The following ANK3 variants were observed in gnomAD, a reference collection of about 807,000 sequenced individuals.
ANK3 encodes ankyrin 3.
Under a neutral mutation model 370.9 loss-of-function variants are expected in ANK3, and 57 were observed. The observed-to-expected ratio is 0.15, with a 90% CI of 0.12 to 0.19. The LOEUF (loss-of-function observed/expected upper bound fraction) is 0.19, where lower values mean the gene tolerates loss of function less well. Among genes scored for constraint, ANK3 ranks in the 10% least tolerant of loss-of-function variants. ANK3 has a pLI of 1.00. For synonymous variants in ANK3, 1,929 were observed against 1,946.3 expected (o/e 0.99, Z 0.23); for missense variants, 4,439 against 5,302.1 (o/e 0.84, Z 5.06).
intron 2 of ANK3, among the ~76,000 whole-genome samples, chr10:60,593,553 A>T (rs931262382): frequency 6.6e-6 from 1 of 152,166 alleles, no homozygotes; most frequent in African/African-American, 2.4e-5. Context: ...ATTTTTTTTT[A>T]AATCATGACC....
chr10:60,628,525 C>G (rs1413035498), intron 1 of ANK3, among the ~76,000 whole-genome samples: 1 of 152,146 alleles, frequency 6.6e-6, no homozygotes, highest in Non-Finnish European at 1.5e-5. Flanking sequence ...TTAGCCTCTG[C>G]TGCAGAAAGG....
rs772842394 is a variant in ANK3, at chr10:60,075,130, T to G, written c.5751A>C (p.Ala1917=). The change falls in exon 37 of 44, where the codon GCA becomes GCC. Residue 1917 remains alanine, a synonymous_variant. Coordinates refer to ENST00000280772, the MANE Select transcript of ANK3 (RefSeq NM_020987.5). ...CCTCAGGCACATCTGTCTGTAGTAT[T>G]GCGGTCATCCGCATTAGGTCCTCTT... ...EMKEDLMRMT[A]ILQTDVPEEK... The G allele has an allele frequency of 6.2e-7, 1 of 1,614,170 alleles. No homozygotes were observed. Among genetic ancestry groups the G allele is most frequent in the South Asian group, 1.1e-5 (1 of 91,082 alleles).
At chr10:60,054,479 T>C (rs2078731339) in intron 42 of ANK3, among the ~76,000 whole-genome samples, 1 of 152,112 alleles carries the variant, frequency 6.6e-6, no homozygotes, top group Non-Finnish European at 1.5e-5. Context: ...AGCAACTGAT[T>C]ACCACCACCA....
Position 60,594,015 on chromosome 10 carries a change from CT to C in ANK3, c.96+21170del, listed in dbSNP as rs1284057664. Among the ~76,000 whole-genome samples the C allele has an allele frequency of 2.6e-5, 4 of 152,294 alleles. No homozygotes were observed. In the South Asian group the frequency reaches 6.2e-4, roughly 24 times the overall value. ...GTTTACGTAGTCCCATTGAAGCTTCCTTCCCTACATCATTGCACTGGGCAAA... is the reference window on the plus strand; with the variant it reads ...GTTTACGTAGTCCCATTGAAGCTTCCTCCCTACATCATTGCACTGGGCAAA... On this transcript the variant is annotated intron_variant, in intron 2 of 43. Transcript: ENST00000373827.
rs568909729 is a variant in ANK3 at position 60,150,257 on chromosome 10, G to A, written c.2615-11170C>T. On this transcript the variant is annotated intron_variant, in intron 23 of 43. Coordinates refer to ENST00000280772, the MANE Select transcript of ANK3 (RefSeq NM_020987.5). ...ACCCTTGTCCCCACTCCTGTGTGCT[G>A]AGCTCTTCTGTGGGGGCCTGTGCTT... 5.7e-3 allele frequency among the ~76,000 whole-genome samples: 861 copies of A among 152,198 alleles called. 5 individuals are homozygous for A. The highest frequency in any genetic ancestry group is 8.9e-3 in the Non-Finnish European group (607 of 68,012).
At chr10:60,123,501 G>C (rs113085672) in intron 25 of ANK3, among the ~76,000 whole-genome samples, 6 of 152,268 alleles carry the variant, frequency 3.9e-5, no homozygotes, top group African/African-American at 1.4e-4. Flanking sequence ...GAAAGTGTTT[G>C]CAAGAGAGAG....
intron 43 of ANK3, among the ~76,000 whole-genome samples, chr10:60,040,710 T>G (rs936665065): frequency 1.3e-5 from 2 of 152,166 alleles, no homozygotes; most frequent in African/African-American, 4.8e-5. Context: ...TTTTTTGGTG[T>G]CATTTATTCA....
rs1373792937 is a variant in ANK3 at position 60,389,462 on chromosome 10, CT to C, written c.76del (p.Arg26GlyfsTer21). The C allele has an allele frequency of 1.2e-6, 2 of 1,613,936 alleles. No homozygotes were observed. Among genetic ancestry groups the C allele is most frequent in the Non-Finnish European group, 1.7e-6 (2 of 1,179,938 alleles). ...INAEEEPEKK[R>X]KHRKRSRDRK... ...ATCCCGGGACCGTTTGCGGTGTTTCCTTTTTTTCTCAGGCTCTTCTTCAGCA... is the reference window on the plus strand; with the variant it reads ...ATCCCGGGACCGTTTGCGGTGTTTCCTTTTTTCTCAGGCTCTTCTTCAGCA... On this transcript the variant is annotated frameshift_variant, in exon 1 of 44. Coordinates refer to ENST00000280772, the MANE Select transcript of ANK3 (RefSeq NM_020987.5). LOFTEE classifies it high-confidence loss of function.
chr10:60,610,525 G>A (rs1039177834), intron 2 of ANK3, among the ~76,000 whole-genome samples: 11 of 150,628 alleles, frequency 7.3e-5, no homozygotes, highest in African/African-American at 1.2e-4. Flanking sequence ...AATGCTTCCC[G>A]AATAAAATCT....
intron 28 of ANK3, among the ~76,000 whole-genome samples, chr10:60,101,940 T>G (rs2091326142): frequency 2.6e-5 from 4 of 152,006 alleles, no homozygotes; most frequent in Admixed American, 1.3e-4. Context: ...ATCATTCATT[T>G]GAGAGCATAC....
intron 43 of ANK3, among the ~76,000 whole-genome samples, chr10:60,034,127 G>C (rs1360283169): frequency 7.1e-5 from 7 of 99,054 alleles, no homozygotes; most frequent in Non-Finnish European, 9.4e-5. Flanking sequence ...TTTTTTTTGA[G>C]ACAGAGTCTT....
chr10:60,718,556 C>G (rs2079820751), intron 1 of ANK3, among the ~76,000 whole-genome samples: 1 of 152,036 alleles, frequency 6.6e-6, no homozygotes. Flanking sequence ...TAATTTTACT[C>G]TATAAAAACA....
At chr10:60,639,836 A>T (rs537400858) in intron 1 of ANK3, among the ~76,000 whole-genome samples, 1 of 152,158 alleles carries the variant, frequency 6.6e-6, no homozygotes, top group East Asian at 1.9e-4. Flanking sequence ...CAGATAGCAA[A>T]ATAAGAGATG....
At chr10:60,163,891 A>G (rs932578767) in intron 23 of ANK3, among the ~76,000 whole-genome samples, 4 of 152,120 alleles carry the variant, frequency 2.6e-5, no homozygotes, top group Admixed American at 2.6e-4. Flanking sequence ...GTCTGGGGAT[A>G]CCAATGTGAT....
intron 1 of ANK3, among the ~76,000 whole-genome samples, chr10:60,338,140 C>G (rs1354792090): frequency 6.6e-6 from 1 of 152,178 alleles, no homozygotes. Context: ...CTTCTCTGCA[C>G]TCTGAGGTTC....
chr10:60,268,409 G>C (rs1394116537), intron 5 of ANK3, among the ~76,000 whole-genome samples: 3 of 152,120 alleles, frequency 2.0e-5, no homozygotes, highest in Non-Finnish European at 4.4e-5. Flanking sequence ...TCAGTACATA[G>C]AGCCTTGCCT....
chr10:60,104,246 C>T (rs2091798561), intron 28 of ANK3, among the ~76,000 whole-genome samples: 1 of 150,468 alleles, frequency 6.6e-6, no homozygotes, highest in Non-Finnish European at 1.5e-5. Context: ...CTCTCTGAGC[C>T]TTAGTTTAGG....
At chr10:60,571,055 GTTTTTTTTTT>G in intron 2 of ANK3, among the ~76,000 whole-genome samples, 1 of 133,554 alleles carries the variant, frequency 7.5e-6, no homozygotes, top group East Asian at 2.3e-4. Flanking sequence ...AACCTGACAG[GTTTTTTTTTT>G]TTTTTTTTGA....
exon 1 of ANK3, chr10:60,733,425 C>T (rs1046971163): frequency 1.0e-4 from 106 of 1,048,588 alleles, no homozygotes; most frequent in Non-Finnish European, 1.2e-4. Context: ...AGTTCGGCCG[C>T]GGCTCAGGAA....
Sources: allele counts gnomAD v4.1 joint callset (sites outside exome capture counted in the v4.1 genomes callset), GRCh38; gene constraint gnomAD v4.1.1; transcripts MANE v1.5; gene names NCBI Gene and HGNC (gene_info 2026-07-23, HGNC 2026-07-21).